Variants in CPLX2 observed in about 807,000 individuals in gnomAD.
The protein encoded by CPLX2 is complexin 2.
Under a neutral mutation model 16.3 loss-of-function variants are expected in CPLX2, and 5 were observed. The ratio of observed to expected loss-of-function variants is 0.31; its 90% confidence interval spans 0.16 to 0.64. The LOEUF is 0.64. CPLX2 is among the 30% of genes least tolerant of loss of function. The probability of loss-of-function intolerance (pLI) is 0.79; values close to 1 mark genes in which losing one functional copy is unlikely to be tolerated. For synonymous variants in CPLX2, 89 were observed against 73.2 expected (o/e 1.22, Z -1.10); for missense variants, 144 against 181.4 (o/e 0.79, Z 1.18).
chr5:175,823,590 G>C (rs1169495480), intron 2 of CPLX2, among the ~76,000 whole-genome samples: 1 of 152,176 alleles, frequency 6.6e-6, no homozygotes, highest in East Asian at 1.9e-4. Context: ...CGGGAGAGAG[G>C]TCTGGGCTGG....
chr5:175,825,638 G>T (rs2113650770), intron 2 of CPLX2, among the ~76,000 whole-genome samples: 1 of 152,206 alleles, frequency 6.6e-6, no homozygotes, highest in East Asian at 1.9e-4. Flanking sequence ...CTAAGACAAG[G>T]GTTGAGAGTG....
chr5:175,821,626 A>C (rs1215810987), intron 2 of CPLX2, among the ~76,000 whole-genome samples: 1 of 152,058 alleles, frequency 6.6e-6, no homozygotes, highest in East Asian at 1.9e-4. Context: ...CATGCTAGTC[A>C]TGAATTCCTG....
At chr5:175,855,123 C>T (rs1759229742) in intron 2 of CPLX2, among the ~76,000 whole-genome samples, 1 of 152,184 alleles carries the variant, frequency 6.6e-6, no homozygotes, top group Admixed American at 6.5e-5. Flanking sequence ...GATTAAAGGG[C>T]ATGACAGTCG....
At chr5:175,850,020 T>C (rs1759119185) in intron 2 of CPLX2, among the ~76,000 whole-genome samples, 1 of 152,252 alleles carries the variant, frequency 6.6e-6, no homozygotes, top group Non-Finnish European at 1.5e-5. Context: ...GAAGTCATCC[T>C]TGGGAATGTG....
At chr5:175,843,436 C>T (rs1451326054) in intron 2 of CPLX2, among the ~76,000 whole-genome samples, 1 of 151,996 alleles carries the variant, frequency 6.6e-6, no homozygotes, top group Non-Finnish European at 1.5e-5. Flanking sequence ...ATACACCAGG[C>T]ACACATGTGT....
chr5:175,812,537 C>A (rs1758330747), intron 2 of CPLX2, among the ~76,000 whole-genome samples: 1 of 152,120 alleles, frequency 6.6e-6, no homozygotes, highest in South Asian at 2.1e-4. Flanking sequence ...TTCAAGATGG[C>A]AAAATGGAAA....
chr5:175,836,422 G>T (rs548178798), intron 2 of CPLX2, among the ~76,000 whole-genome samples: 1 of 152,148 alleles, frequency 6.6e-6, no homozygotes, highest in South Asian at 2.1e-4. Context: ...TGAAGCACTG[G>T]TTCGTGCTCC....
At chr5:175,829,712 A>G (rs1419250218) in intron 2 of CPLX2, among the ~76,000 whole-genome samples, 1 of 152,204 alleles carries the variant, frequency 6.6e-6, no homozygotes, top group African/African-American at 2.4e-5. Context: ...TGTAATGTGG[A>G]GAGCAGAAGA....
chr5:175,850,730 T>C (rs992205418), intron 2 of CPLX2, among the ~76,000 whole-genome samples: 4 of 152,080 alleles, frequency 2.6e-5, no homozygotes, highest in Admixed American at 2.6e-4. Context: ...CCCCCACTAA[T>C]ATCTGCAAGA....
Position 175,825,969 on chromosome 5 carries a change from C to T in CPLX2, c.-89+16901C>T, listed in dbSNP as rs1758607531. 3.3e-5 allele frequency among the ~76,000 whole-genome samples: 3 copies of T among 90,166 alleles called. No homozygotes were observed. In the South Asian group the frequency reaches 1.1e-3, roughly 32 times the overall value. The allele number at this position is 90,166 out of a possible 152,430, so 59.2% of individuals were successfully genotyped here. On this transcript the variant is annotated intron_variant, in intron 2 of 4. Coordinates refer to the CPLX2 transcript ENST00000359546. ...AAAAAAAAAAAAAAAAGCCTGGTAA[C>T]TGGGGTGGGGCACTAAGCAATTTCT...
upstream of CPLX2, among the ~76,000 whole-genome samples, chr5:175,868,486 A>T (rs918817995): frequency 2.6e-5 from 4 of 152,196 alleles, no homozygotes; most frequent in Admixed American, 2.6e-4. Flanking sequence ...AAAAGTGGAA[A>T]TTCAGCTCCA....
At chr5:175,797,758 A>AG (rs1005854358) in intron 1 of CPLX2, among the ~76,000 whole-genome samples, 1 of 152,080 alleles carries the variant, frequency 6.6e-6, no homozygotes, top group Non-Finnish European at 1.5e-5. Flanking sequence ...CAGAGAAGGC[A>AG]GGGGGGAGGG....
At position 175,849,198 on chromosome 5, in the gene CPLX2, A is replaced by G. The variant is rs1759106842; in HGVS notation, c.-88-29454A>G. 6.6e-6 allele frequency among the ~76,000 whole-genome samples: 1 copy of G among 152,212 alleles called. No individual in the cohort carries two copies. The highest frequency in any genetic ancestry group is 1.5e-5 in the Non-Finnish European group (1 of 68,036). ...CACACTTCACAGGTGGAAACAGAGC[A>G]CAAAACAGTCAGTTTGCTTGTTTGG... On this transcript the variant is annotated intron_variant, in intron 2 of 4. Coordinates refer to the CPLX2 transcript ENST00000359546. This position sits in a 1 kb window ranked among gnomAD's most constrained non-coding sequence, Gnocchi z 4.4.
chr5:175,831,553 T>G (rs1758736043), intron 2 of CPLX2, among the ~76,000 whole-genome samples: 1 of 152,180 alleles, frequency 6.6e-6, no homozygotes, highest in Non-Finnish European at 1.5e-5. Context: ...AGTGTCTCTG[T>G]TATGGGCTCT....
upstream of CPLX2, among the ~76,000 whole-genome samples, chr5:175,869,455 C>T (rs1156445246): frequency 6.6e-6 from 1 of 151,974 alleles, no homozygotes; most frequent in African/African-American, 2.4e-5. Flanking sequence ...GCCAGTTCTT[C>T]CTCTCAGAGC....
intron 2 of CPLX2, among the ~76,000 whole-genome samples, chr5:175,840,032 T>G (rs1758918030): frequency 6.6e-6 from 1 of 152,246 alleles, no homozygotes; most frequent in African/African-American, 2.4e-5. Context: ...TAGTATATTA[T>G]AGTGACAGGT....
intron 2 of CPLX2, among the ~76,000 whole-genome samples, chr5:175,839,910 C>T (rs968482673): frequency 6.6e-6 from 1 of 152,162 alleles, no homozygotes; most frequent in East Asian, 1.9e-4. Context: ...TTTGTACTGC[C>T]AAATGTGGCA....
rs1758720665 is a variant in CPLX2 at position 175,830,781 on chromosome 5, G to A, written c.-89+21713G>A. ...TCCTCACCCCTGTGGGCTGGGGGCAGCGTTCACCCTGCTCACAGCTCAGCC... is the reference window on the plus strand; with the variant it reads ...TCCTCACCCCTGTGGGCTGGGGGCAACGTTCACCCTGCTCACAGCTCAGCC... On this transcript the variant is annotated intron_variant, in intron 2 of 4. Coordinates refer to the CPLX2 transcript ENST00000359546. The surrounding 1 kb of genome is among the most constrained non-coding windows in gnomAD (Gnocchi z 4.0). Among the ~76,000 whole-genome samples the A allele has an allele frequency of 6.6e-6, 1 of 152,192 alleles. No individual in the cohort carries two copies. The highest frequency in any genetic ancestry group is 1.9e-4 in the East Asian group (1 of 5,182).
chr5:175,815,381 G>A (rs747983051), intron 2 of CPLX2, among the ~76,000 whole-genome samples: 18 of 152,266 alleles, frequency 1.2e-4, no homozygotes, highest in Non-Finnish European at 2.1e-4. Context: ...TTGGCGGAGA[G>A]CACATGCATG....
Sources: allele counts gnomAD v4.1 joint callset (sites outside exome capture counted in the v4.1 genomes callset), GRCh38; gene constraint gnomAD v4.1.1; non-coding constraint Gnocchi (gnomAD v3.1); transcripts MANE v1.5; gene names NCBI Gene and HGNC (gene_info 2026-07-23, HGNC 2026-07-21).